The following SMIM14 variants were observed in gnomAD, a reference collection of about 807,000 sequenced individuals.
SMIM14 encodes small integral membrane protein 14, also known as chromosome 4 open reading frame 34.
SMIM14 carries 5 observed loss-of-function variants against 12.6 expected under a neutral mutation model. The observed-to-expected ratio is 0.40, with a 90% confidence interval of 0.21 to 0.83. SMIM14 has a LOEUF of 0.83. SMIM14 is among the 40% of genes least tolerant of loss of function. The pLI, the probability that SMIM14 is intolerant of heterozygous loss-of-function variation, is 0.37. For missense variants in SMIM14, 86 were observed against 119.1 expected, an observed-to-expected ratio of 0.72 and a Z score of 1.29; for synonymous variants, 30 against 40.1, an observed-to-expected ratio of 0.75 and a Z score of 0.95.
intron 1 of SMIM14, among the ~76,000 whole-genome samples, chr4:39,618,316 CG>C (rs1715297410): frequency 6.6e-6 from 1 of 152,046 alleles, no homozygotes; most frequent in Non-Finnish European, 1.5e-5. Flanking sequence ...ATGGGAAAAA[CG>C]ATGAGCAAGA....
intron 1 of SMIM14, among the ~76,000 whole-genome samples, chr4:39,626,161 A>G (rs1055301312): frequency 6.6e-6 from 1 of 152,140 alleles, no homozygotes; most frequent in Non-Finnish European, 1.5e-5. Context: ...ATAATGTCTG[A>G]TGATCTGAGG....
chr4:39,603,503 G>T (rs1177655260), intron 2 of SMIM14, among the ~76,000 whole-genome samples: 1 of 152,122 alleles, frequency 6.6e-6, no homozygotes, highest in African/African-American at 2.4e-5. Context: ...AGCTTGCAAT[G>T]AGCCAAGATC....
intron 2 of SMIM14, among the ~76,000 whole-genome samples, chr4:39,577,430 CTTTT>C (rs36049094): frequency 1.5e-5 from 2 of 136,894 alleles, no homozygotes; most frequent in Admixed American, 7.3e-5. Context: ...CCCTTTCAGC[CTTTT>C]TTTTTTTTTT....
intron 1 of SMIM14, chr4:39,611,840 G>T (rs1715047270): frequency 6.6e-6 from 1 of 152,156 alleles, no homozygotes; most frequent in Non-Finnish European, 1.5e-5. Flanking sequence ...ATCCTATACA[G>T]CTGTTAGAAA....
chr4:39,561,662 G>A (rs1177590771), intron 3 of SMIM14, among the ~76,000 whole-genome samples: 1 of 152,118 alleles, frequency 6.6e-6, no homozygotes, highest in Non-Finnish European at 1.5e-5. Flanking sequence ...GCTCACACCT[G>A]TAGTCCCAGC....
chr4:39,594,777 T>A (rs1182949536), intron 2 of SMIM14: 3 of 151,178 alleles, frequency 2.0e-5, no homozygotes, highest in Non-Finnish European at 4.5e-5. Context: ...AGAAGACATT[T>A]ATGCAGCCAA....
At chr4:39,626,682 A>G (rs1238048582) in intron 1 of SMIM14, among the ~76,000 whole-genome samples, 1 of 152,224 alleles carries the variant, frequency 6.6e-6, no homozygotes, top group Non-Finnish European at 1.5e-5. Context: ...TAACAACTAA[A>G]TAAATGTTAC....
At chr4:39,617,337 C>T (rs1715262926) in intron 1 of SMIM14, among the ~76,000 whole-genome samples, 1 of 152,092 alleles carries the variant, frequency 6.6e-6, no homozygotes, top group Admixed American at 6.6e-5. Context: ...TCACTGTATA[C>T]GATTATGTGT....
intron 3 of SMIM14, among the ~76,000 whole-genome samples, chr4:39,570,342 G>A (rs1295489928): frequency 1.3e-5 from 2 of 151,898 alleles, no homozygotes; most frequent in Non-Finnish European, 2.9e-5. Context: ...TGTATTTTTA[G>A]TAGAGACAGG....
chr4:39,591,828 A>C (rs533928015), intron 2 of SMIM14, among the ~76,000 whole-genome samples: 1 of 152,234 alleles, frequency 6.6e-6, no homozygotes, highest in East Asian at 1.9e-4. Context: ...AGCCTCCCAA[A>C]GTGCTGGGAT....
At chr4:39,609,152 A>AT (rs200983713) in intron 1 of SMIM14, among the ~76,000 whole-genome samples, 11,450 of 150,306 alleles carry the variant, frequency 0.076, 1,390 homozygotes, top group African/African-American at 0.26. Context: ...AATTTTTTGT[A>AT]TTTTTTTTTA....
chr4:39,550,786 T>C lies in SMIM14; in HGVS notation c.*1340A>G, dbSNP rs558758164. 5 of 152,204 alleles carry C rather than the reference T, an allele frequency of 3.3e-5. No individual in the cohort carries two copies. The highest frequency in any genetic ancestry group is 6.5e-5 in the Admixed American group (1 of 15,270). The allele number at this position is 152,204 out of a possible 1,614,324, so 9.4% of individuals were successfully genotyped here. A position where few individuals can be genotyped will look rare whatever the true frequency, so the allele number is the denominator to read the frequency against. On this transcript the variant is annotated 3_prime_UTR_variant, in exon 5 of 5. Coordinates refer to ENST00000295958, the MANE Select transcript of SMIM14 (RefSeq NM_174921.3). Reference sequence around the variant, plus strand: ...TCATTTTCCTTCTTTTCCCTTGAAGTAAACCAGTAATTTATTAAAATATTT... The same window carrying C: ...TCATTTTCCTTCTTTTCCCTTGAAGCAAACCAGTAATTTATTAAAATATTT...
intron 1 of SMIM14, among the ~76,000 whole-genome samples, chr4:39,632,764 T>C (rs1355966051): frequency 1.0e-5 from 1 of 98,428 alleles, no homozygotes; most frequent in African/African-American, 3.9e-5. Context: ...GATGACAGAG[T>C]GAGACTCCCG....
intron 2 of SMIM14, among the ~76,000 whole-genome samples, chr4:39,586,099 G>T (rs927176864): frequency 6.6e-6 from 1 of 151,982 alleles, no homozygotes; most frequent in Non-Finnish European, 1.5e-5. Flanking sequence ...TGATTCTGCA[G>T]TTCTCACCCA....
At chr4:39,619,877 T>TATATATATATA (rs1553866681) in intron 1 of SMIM14, among the ~76,000 whole-genome samples, 3 of 80,494 alleles carry the variant, frequency 3.7e-5, no homozygotes, top group Non-Finnish European at 5.1e-5. Context: ...TATATATATA[T>TATATATATATA]TTTTTTTTTT....
At chr4:39,616,405 GA>G in intron 1 of SMIM14, among the ~76,000 whole-genome samples, 1 of 152,182 alleles carries the variant, frequency 6.6e-6, no homozygotes, top group Non-Finnish European at 1.5e-5. Flanking sequence ...AAAGTGCTGG[GA>G]TTACAGGAGT....
At chr4:39,628,397 A>G (rs991889793) in intron 1 of SMIM14, among the ~76,000 whole-genome samples, 3 of 151,964 alleles carry the variant, frequency 2.0e-5, no homozygotes, top group African/African-American at 7.2e-5. Flanking sequence ...AAATGTGACC[A>G]GGCGCGGTGG....
At chr4:39,556,367 C>G (rs1252000196) in intron 4 of SMIM14, 61 bp downstream of exon 4, 13 of 1,516,912 alleles carry the variant, frequency 8.6e-6, no homozygotes, top group Non-Finnish European at 1.2e-5. Context: ...CCAAGTCCTT[C>G]CCTGCCCCAG....
At chr4:39,571,986 TAG>T (rs1712914898) in intron 3 of SMIM14, among the ~76,000 whole-genome samples, 1 of 151,998 alleles carries the variant, frequency 6.6e-6, no homozygotes, top group African/African-American at 2.4e-5. Context: ...GTATTTTTTG[TAG>T]AGACAGGGTT....
Sources: gnomAD v4.1 joint callset for allele counts (sites outside exome capture counted in the v4.1 genomes callset) on GRCh38, gnomAD v4.1.1 for gene constraint, MANE v1.5 for transcripts, NCBI Gene and HGNC (gene_info 2026-07-23, HGNC 2026-07-21) for gene names.